The following PCDHA11 variants were observed in gnomAD, a reference collection of about 807,000 sequenced individuals.
PCDHA11 encodes protocadherin alpha-11.
A neutral mutation model predicts 70.3 loss-of-function variants in PCDHA11; 61 were observed. That is an observed-to-expected ratio of 0.87 (90% CI 0.71 to 1.07). The LOEUF is 1.07. Ranked by LOEUF, PCDHA11 falls within the 50% of genes least tolerant of loss-of-function variation. The probability of loss-of-function intolerance (pLI) is 0.00; values close to 1 mark genes in which losing one functional copy is unlikely to be tolerated. For missense variants in PCDHA11, 1,324 were observed against 1,237.5 expected, an observed-to-expected ratio of 1.07 and a Z score of -1.05; for synonymous variants, 633 against 555.1, an observed-to-expected ratio of 1.14 and a Z score of -1.97.
At chr5:140,888,394 C>T (rs1554183448) in intron 1 of PCDHA11, among the ~76,000 whole-genome samples, 2 of 152,134 alleles carry the variant, frequency 1.3e-5, no homozygotes, top group African/African-American at 2.4e-5. Flanking sequence ...TGCTAAACAC[C>T]ATCCAATTGC....
chr5:140,876,992 A>T (rs1222630901), intron 1 of PCDHA11: 1 of 1,612,438 alleles, frequency 6.2e-7, no homozygotes, highest in Non-Finnish European at 8.5e-7. Flanking sequence ...CTGTCGAGCT[A>T]CGTGTCGGTG....
At chr5:140,883,283 G>C (rs782514861) in intron 1 of PCDHA11, 2 of 1,613,916 alleles carry the variant, frequency 1.2e-6, no homozygotes, top group Admixed American at 1.7e-5. Context: ...CCTTTTGGTG[G>C]AAGTACTAGA....
At chr5:140,950,429 T>TGTA (rs1554219455) in intron 1 of PCDHA11, among the ~76,000 whole-genome samples, 5 of 151,900 alleles carry the variant, frequency 3.3e-5, no homozygotes, top group African/African-American at 1.2e-4. Flanking sequence ...TTCTTCCACT[T>TGTA]AAAAAAAATG....
chr5:140,988,694 C>T (rs1328459106), intron 3 of PCDHA11, among the ~76,000 whole-genome samples: 1 of 152,180 alleles, frequency 6.6e-6, no homozygotes, highest in Non-Finnish European at 1.5e-5. Flanking sequence ...CCTAGACGCT[C>T]TGTATTTTCT....
intron 3 of PCDHA11, among the ~76,000 whole-genome samples, chr5:141,000,481 G>A (rs1475922134): frequency 1.5e-5 from 2 of 133,428 alleles, no homozygotes; most frequent in African/African-American, 2.8e-5. Context: ...AAGCTGGAGT[G>A]CAATGGTAAG....
chr5:140,871,010 TGG>T lies in PCDHA11; in HGVS notation c.1908_1909del (p.Asp637ArgfsTer18). 1 of 1,613,348 alleles carries T rather than the reference TGG, an allele frequency of 6.2e-7. No individual in the cohort carries two copies. Among genetic ancestry groups the T allele is most frequent in the South Asian group, 1.1e-5 (1 of 91,064 alleles). ...GGCGAGATAAGCACAACGCGTGCCC[TGG>T]ACGAGGCAGACTCGCCGCGCCACCG... On this transcript the variant is annotated frameshift_variant, in exon 1 of 4. Coordinates refer to ENST00000398640, the MANE Select transcript of PCDHA11 (RefSeq NM_018902.5). LOFTEE classifies it high-confidence loss of function.
At chr5:140,959,373 CA>C (rs1243465116) in intron 1 of PCDHA11, among the ~76,000 whole-genome samples, 26 of 145,126 alleles carry the variant, frequency 1.8e-4, no homozygotes, top group South Asian at 2.2e-4. Flanking sequence ...GACCCTGTCT[CA>C]AAAAAAAAAG....
At chr5:140,968,162 C>A in intron 1 of PCDHA11, 1 of 1,614,122 alleles carries the variant, frequency 6.2e-7, no homozygotes, top group East Asian at 2.2e-5. Flanking sequence ...CAATGACAAT[C>A]CACCAAGCTT....
rs782675743 is a variant in PCDHA11, at chr5:140,871,249, C to A, written c.2146C>A (p.Leu716Met). The part of the protein sequence containing the change: ...VSSLLVLTLL[L>M]YTALWWSATP... ...CAGCCTCCTGGTACTCACGCTGCTG[C>A]TGTATACGGCGCTGTGGTGGTCGGC... Residue 716 changes from leucine to methionine, a missense_variant, in exon 1 of 4, where the codon CTG becomes ATG. By Grantham distance (15) the Leu-to-Met change is conservative (BLOSUM62 2). Transcript: ENST00000398640. 8.1e-6 allele frequency: 13 copies of A among 1,613,984 alleles called. No individual in the cohort carries two copies. Among genetic ancestry groups the A allele is most frequent in the South Asian group, 1.1e-5 (1 of 91,092 alleles).
chr5:140,937,195 G>A lies in PCDHA11; in HGVS notation c.2392-41754G>A, dbSNP rs371063672. On this transcript the variant is annotated intron_variant, in intron 1 of 3. Coordinates refer to ENST00000398640, the MANE Select transcript of PCDHA11 (RefSeq NM_018902.5). ...TGGGACTACAGGCGCCCGCCACCAT[G>A]CCCGGCTAATTTTTTGTATTTTTTG... Among the ~76,000 whole-genome samples the A allele has an allele frequency of 1.5e-3, 231 of 151,994 alleles. 5 individuals are homozygous for A. The South Asian group carries it at 0.033, about 22-fold the overall frequency.
chr5:140,966,893 C>CA (rs1554228863), intron 1 of PCDHA11: 3 of 1,595,686 alleles, frequency 1.9e-6, no homozygotes, highest in African/African-American at 1.3e-5. Context: ...TGCGGCCTCC[C>CA]AGCTGCGATA....
At chr5:140,892,011 A>G (rs1001369849) in intron 1 of PCDHA11, among the ~76,000 whole-genome samples, 10 of 152,244 alleles carry the variant, frequency 6.6e-5, no homozygotes, top group African/African-American at 2.4e-4. Flanking sequence ...CTGTTATAGC[A>G]GCACAAATGG....
At chr5:141,004,331 C>G (rs1244942275) in intron 3 of PCDHA11, among the ~76,000 whole-genome samples, 1 of 152,210 alleles carries the variant, frequency 6.6e-6, no homozygotes, top group Non-Finnish European at 1.5e-5. Flanking sequence ...AGGTGAGGCA[C>G]AGTGGTCTGT....
intron 1 of PCDHA11, among the ~76,000 whole-genome samples, chr5:140,909,874 T>G (rs778631778): frequency 2.6e-4 from 39 of 152,184 alleles, no homozygotes; most frequent in Admixed American, 5.2e-4. Context: ...CAACGTCAGC[T>G]TAGAGACACT....
intron 1 of PCDHA11, among the ~76,000 whole-genome samples, chr5:140,936,322 A>C (rs1225268806): frequency 2.6e-5 from 4 of 152,196 alleles, no homozygotes; most frequent in Admixed American, 6.5e-5. Context: ...CTGACATGCT[A>C]TAAATTTTCT....
intron 1 of PCDHA11, among the ~76,000 whole-genome samples, chr5:140,959,996 A>T (rs1042631849): frequency 3.3e-5 from 5 of 152,228 alleles, no homozygotes; most frequent in Admixed American, 6.5e-5. Context: ...GATATGAAAT[A>T]CAAATCTATT....
chr5:140,870,633 C>A lies in PCDHA11; in HGVS notation c.1530C>A (p.His510Gln). 2 of 1,612,872 alleles carry A rather than the reference C, an allele frequency of 1.2e-6. No homozygotes were observed. The highest frequency in any genetic ancestry group is 1.8e-4 in the Middle Eastern group (1 of 5,672). Reference protein sequence around the residue: ...DRALSSYVSVHAESGKVYALQ... With the variant: ...DRALSSYVSVQAESGKVYALQ... ...CGCTGTCGAGCTACGTGTCGGTGCA[C>A]GCGGAGAGCGGCAAGGTGTACGCGC... The change falls in exon 1 of 4, where the codon CAC (histidine) becomes CAA (glutamine). Residue 510 changes from histidine (H) to glutamine (Q), a missense_variant. Transcript: ENST00000398640.
chr5:140,884,021 G>C, intron 1 of PCDHA11: 1 of 1,613,318 alleles, frequency 6.2e-7, no homozygotes, highest in Non-Finnish European at 8.5e-7. Flanking sequence ...GCCGCGGTCG[G>C]TGGGTGCAGG....
intron 1 of PCDHA11, among the ~76,000 whole-genome samples, chr5:140,895,524 G>A (rs891938988): frequency 2.3e-4 from 35 of 152,128 alleles, no homozygotes; most frequent in African/African-American, 7.2e-4. Context: ...TGGTTTATTC[G>A]TTTTTCAATT....
Sources: allele counts gnomAD v4.1 joint callset (sites outside exome capture counted in the v4.1 genomes callset), GRCh38; gene constraint gnomAD v4.1.1; transcripts MANE v1.5; gene names NCBI Gene and HGNC (gene_info 2026-07-23, HGNC 2026-07-21).